EPG5: variants seen among roughly 807,000 people sequenced by gnomAD.
EPG5 encodes ectopic P-granules 5 autophagy tethering factor.
Under a neutral mutation model 302.7 loss-of-function variants are expected in EPG5, and 159 were observed. The ratio of observed to expected loss-of-function variants is 0.53; its 90% CI spans 0.46 to 0.60. The LOEUF (loss-of-function observed/expected upper bound fraction) is 0.60, where lower values mean the gene tolerates loss of function less well. EPG5 is among the 20% of genes least tolerant of loss of function. EPG5 has a pLI of 0.00. For synonymous variants in EPG5, 1,158 were observed against 1,136.8 expected, an observed-to-expected ratio of 1.02 and a Z score of -0.37; for missense variants, 2,896 against 3,092.4, an observed-to-expected ratio of 0.94 and a Z score of 1.51.
intron 20 of EPG5, among the ~76,000 whole-genome samples, chr18:45,915,193 G>A (rs192633610): frequency 8.6e-5 from 13 of 152,026 alleles, no homozygotes; most frequent in African/African-American, 3.1e-4. Flanking sequence ...CAGGGGAATA[G>A]CTTGAACCCG....
the EPG5 span, among the ~76,000 whole-genome samples, chr18:45,828,541 A>T: frequency 1.3e-5 from 2 of 152,194 alleles, no homozygotes; most frequent in Non-Finnish European, 2.9e-5. Context: ...TGATAGGCAG[A>T]TATCACAACC....
intron 29 of EPG5, among the ~76,000 whole-genome samples, chr18:45,886,282 A>G (rs2049215806): frequency 6.6e-6 from 1 of 152,222 alleles, no homozygotes; most frequent in South Asian, 2.1e-4. Context: ...CAGCAAAACA[A>G]TCTACCTAAA....
At chr18:45,804,783 C>A in the EPG5 span, among the ~76,000 whole-genome samples, 1 of 152,130 alleles carries the variant, frequency 6.6e-6, no homozygotes, top group Non-Finnish European at 1.5e-5. Context: ...GATCTTTAGA[C>A]ATGAAGAACA....
intron 24 of EPG5, among the ~76,000 whole-genome samples, chr18:45,905,874 A>G (rs2049738520): frequency 6.6e-6 from 1 of 152,204 alleles, no homozygotes; most frequent in Non-Finnish European, 1.5e-5. Context: ...GATATGGATG[A>G]GGGGTGTCAA....
chr18:45,809,782 A>G, the EPG5 span, among the ~76,000 whole-genome samples: 1 of 152,214 alleles, frequency 6.6e-6, no homozygotes, highest in Non-Finnish European at 1.5e-5. Context: ...AAAGAGCACA[A>G]ACAGATAATC....
intron 1 of EPG5, among the ~76,000 whole-genome samples, chr18:45,962,723 G>C (rs986011682): frequency 6.6e-6 from 1 of 152,144 alleles, no homozygotes; most frequent in Non-Finnish European, 1.5e-5. Flanking sequence ...TCCACTTCCT[G>C]AACTGAGACT....
the EPG5 span, among the ~76,000 whole-genome samples, chr18:45,834,938 C>A: frequency 2.0e-5 from 3 of 152,216 alleles, no homozygotes; most frequent in Non-Finnish European, 4.4e-5. Context: ...GAAGTACTGA[C>A]TGAACCAGCC....
At chr18:45,933,537 G>A (rs1406309527) in intron 11 of EPG5, among the ~76,000 whole-genome samples, 1 of 152,022 alleles carries the variant, frequency 6.6e-6, no homozygotes, top group Non-Finnish European at 1.5e-5. Context: ...AATTAGCTGG[G>A]CATGGTGGTG....
chr18:45,827,291 T>C, the EPG5 span, among the ~76,000 whole-genome samples: 4 of 152,288 alleles, frequency 2.6e-5, no homozygotes, highest in South Asian at 8.3e-4. Context: ...GCTCAACAAG[T>C]GGCAGGGGTG....
the EPG5 span, among the ~76,000 whole-genome samples, chr18:45,833,008 G>A: frequency 2.0e-5 from 3 of 152,242 alleles, no homozygotes; most frequent in East Asian, 3.9e-4. Flanking sequence ...CGTAACCCTT[G>A]GTGAAAGACC....
In EPG5 at chr18:45,922,595, T is replaced by A. The variant is rs916382324; in HGVS notation, c.2844A>T (p.Ser948=). The change falls in exon 16 of 44, where the codon TCA becomes TCT. Residue 948 remains serine, a synonymous_variant. Coordinates refer to ENST00000282041, the MANE Select transcript of EPG5 (RefSeq NM_020964.3). Reference sequence around the variant, plus strand: ...CATATCGAACAATACTGGCCAAATATGAAACCTAAAACAATTATTTATTTT... The same window carrying A: ...CATATCGAACAATACTGGCCAAATAAGAAACCTAAAACAATTATTTATTTT... ...GILSESMKQV[S]YLASIVRYGE... 1.4e-5 allele frequency: 23 copies of A among 1,613,720 alleles called. No individual in the cohort carries two copies. Among genetic ancestry groups the A allele is most frequent in the Non-Finnish European group, 1.9e-5 (22 of 1,179,768 alleles).
At chr18:45,846,226 CCTGT>C (rs1353400998), downstream of EPG5, among the ~76,000 whole-genome samples, 4 of 152,160 alleles carry the variant, frequency 2.6e-5, no homozygotes, top group East Asian at 7.7e-4. Flanking sequence ...TCCTCAAAGC[CCTGT>C]AAGATCCCAG....
intron 33 of EPG5, 101 bp from the exon 34 acceptor site, chr18:45,878,549 C>G (rs1243789394): frequency 1.5e-5 from 11 of 734,714 alleles, no homozygotes; most frequent in Non-Finnish European, 2.3e-5. Context: ...TCTGTAGCTT[C>G]ATAAACCTAT....
chr18:45,913,295 T>C (rs1183811851), intron 21 of EPG5, among the ~76,000 whole-genome samples: 1 of 152,164 alleles, frequency 6.6e-6, no homozygotes, highest in Non-Finnish European at 1.5e-5. Context: ...TTTAAAGCCT[T>C]ATTCCAGTCT....
Position 45,852,159 on chromosome 18 carries a change from G to T in EPG5, c.*308C>A. 4.5e-6 allele frequency: 1 copy of T among 224,404 alleles called. No homozygotes were observed. The highest frequency in any genetic ancestry group is 8.7e-6 in the Non-Finnish European group (1 of 115,498). The allele number at this position is 224,404 out of a possible 1,614,324, so 13.9% of individuals were successfully genotyped here. A position where few individuals can be genotyped will look rare whatever the true frequency, so the allele number is the denominator to read the frequency against. On this transcript the variant is annotated 3_prime_UTR_variant, in exon 44 of 44. Transcript: ENST00000282041. Reference sequence around the variant, plus strand: ...AAAGAACTCCATCTGGAGGTCTTGTGAGATGACTGGGACATTCGGCAACTG... The same window carrying T: ...AAAGAACTCCATCTGGAGGTCTTGTTAGATGACTGGGACATTCGGCAACTG...
the EPG5 span, among the ~76,000 whole-genome samples, chr18:45,812,695 A>G: frequency 6.6e-6 from 1 of 152,184 alleles, no homozygotes; most frequent in Admixed American, 6.5e-5. Flanking sequence ...ATAAATGGTG[A>G]TGGGAAAACC....
chr18:45,927,089 G>A (rs567377239), intron 13 of EPG5, among the ~76,000 whole-genome samples: 7 of 149,122 alleles, frequency 4.7e-5, no homozygotes, highest in Middle Eastern at 3.5e-3. Context: ...CTGGAGTGCA[G>A]TGGCGTGATC....
chr18:45,943,638 C>T (rs926655254), intron 8 of EPG5, among the ~76,000 whole-genome samples: 13 of 152,154 alleles, frequency 8.5e-5, no homozygotes, highest in African/African-American at 2.2e-4. Context: ...AAGTAAGACT[C>T]GGGCCAGGCA....
At chr18:45,922,274 T>C (rs2050172158) in intron 16 of EPG5, 67 bp downstream of exon 16, 3 of 1,564,226 alleles carry the variant, frequency 1.9e-6, no homozygotes, top group Non-Finnish European at 2.6e-6. Context: ...ACTTGGGATA[T>C]GAAACATAAA....
Sources: allele counts gnomAD v4.1 joint callset (sites outside exome capture counted in the v4.1 genomes callset), GRCh38; gene constraint gnomAD v4.1.1; transcripts MANE v1.5; gene names NCBI Gene and HGNC (gene_info 2026-07-23, HGNC 2026-07-21).